VWF: variants seen among roughly 807,000 people sequenced by gnomAD.
The protein encoded by VWF is Factor VIII related antigen.
VWF carries 176 observed loss-of-function variants against 308.6 expected under a neutral mutation model. The ratio of observed to expected loss-of-function variants is 0.57; its 90% CI spans 0.50 to 0.65. The LOEUF is 0.65. Among genes scored for constraint, VWF ranks in the 30% least tolerant of loss-of-function variants. The pLI, the probability that VWF is intolerant of heterozygous loss-of-function variation, is 0.00. For missense variants in VWF, 3,146 were observed against 3,648.2 expected (o/e 0.86, Z 3.55); for synonymous variants, 1,385 against 1,443.4 (o/e 0.96, Z 0.92).
intron 34 of VWF, among the ~76,000 whole-genome samples, chr12:6,011,326 C>T (rs1229262577): frequency 6.6e-6 from 1 of 152,244 alleles, no homozygotes; most frequent in Non-Finnish European, 1.5e-5. Context: ...GACTTGCCAA[C>T]AGCCAAGCTG....
rs530172629 is a variant in VWF, at chr12:6,017,444, T to C, written c.5054-574A>G. Among the ~76,000 whole-genome samples, 25 of 152,246 alleles carry C rather than the reference T, an allele frequency of 1.6e-4. No individual in the cohort carries two copies. In the South Asian group the frequency reaches 4.6e-3, roughly 28 times the overall value. On this transcript the variant is annotated intron_variant, in intron 28 of 51. Coordinates refer to ENST00000261405, the MANE Select transcript of VWF (RefSeq NM_000552.5). Reference sequence around the variant, plus strand: ...ATTTAAATAAATCTATGGCCGTGAATAAAAACAAAAACAAAGAAACAAAAG... The same window carrying C: ...ATTTAAATAAATCTATGGCCGTGAACAAAAACAAAAACAAAGAAACAAAAG...
intron 3 of VWF, among the ~76,000 whole-genome samples, chr12:6,113,559 G>A (rs1458070183): frequency 2.6e-5 from 4 of 152,188 alleles, no homozygotes; most frequent in African/African-American, 9.7e-5. Context: ...CTCCCAAAGT[G>A]CTAGGATTAC....
intron 37 of VWF, among the ~76,000 whole-genome samples, chr12:5,993,611 G>T (rs2136384746): frequency 6.7e-6 from 1 of 149,262 alleles, no homozygotes; most frequent in East Asian, 2.0e-4. Context: ...CAGAGTGTAT[G>T]TGTGTATATA....
chr12:6,070,349 T>C (rs1944766112), intron 10 of VWF, among the ~76,000 whole-genome samples: 1 of 152,180 alleles, frequency 6.6e-6, no homozygotes, highest in African/African-American at 2.4e-5. Flanking sequence ...CTAAAGTCTT[T>C]AACTCACAGA....
rs73266873 is a variant in VWF, at chr12:6,112,701, T to C, written c.221-1733A>G. On this transcript the variant is annotated intron_variant, in intron 3 of 51. Transcript: ENST00000261405. Reference sequence around the variant, plus strand: ...CTGGCAGGTCTGTTGACTCAAGGTGTTGCTGTCATGGCCAGAGGAGCTGGG... The same window carrying C: ...CTGGCAGGTCTGTTGACTCAAGGTGCTGCTGTCATGGCCAGAGGAGCTGGG... Among the ~76,000 whole-genome samples the C allele has an allele frequency of 6.0e-3, 919 of 152,172 alleles. 10 individuals carry two copies. The highest frequency in any genetic ancestry group is 0.02 in the African/African-American group (841 of 41,510).
At chr12:6,121,804 G>A (rs61615222) in intron 2 of VWF, among the ~76,000 whole-genome samples, 4,823 of 152,064 alleles carry the variant, frequency 0.032, 188 homozygotes, top group African/African-American at 0.089. Flanking sequence ...AGTGGTGGGC[G>A]CCTGTAATCC....
At chr12:6,044,146 C>T (rs1381974148) in intron 18 of VWF, 145 bp downstream of exon 18, 2 of 1,070,738 alleles carry the variant, frequency 1.9e-6, no homozygotes, top group African/African-American at 3.2e-5. Context: ...CTCCCCTCCT[C>T]CATGCCCCCA....
Position 6,063,156 on chromosome 12 carries a change from A to G in VWF, c.1433-102T>C. 4 of 926,928 alleles carry G rather than the reference A, an allele frequency of 4.3e-6. No homozygotes were observed. Among genetic ancestry groups the G allele is most frequent in the East Asian group, 2.6e-5 (1 of 38,544 alleles). 57.4% of individuals were successfully genotyped at this position (926,928 alleles called of 1,614,324 possible). On this transcript the variant is annotated intron_variant, in intron 12 of 51. Coordinates refer to ENST00000261405, the MANE Select transcript of VWF (RefSeq NM_000552.5). The surrounding 1 kb of genome is among the most constrained non-coding windows in gnomAD (Gnocchi z 4.9). Reference sequence around the variant, plus strand: ...AAATGGGGTGTCTCAAAAGGATGGTAGCACTGAAGAGCAATGACTTAGGGG... The same window carrying G: ...AAATGGGGTGTCTCAAAAGGATGGTGGCACTGAAGAGCAATGACTTAGGGG...
intron 10 of VWF, among the ~76,000 whole-genome samples, chr12:6,067,777 G>C (rs1284669775): frequency 6.6e-6 from 1 of 152,072 alleles, no homozygotes; most frequent in African/African-American, 2.4e-5. Flanking sequence ...GATGGAGATG[G>C]GCACTGGAAG....
At chr12:6,114,008 G>A (rs186892678) in intron 3 of VWF, among the ~76,000 whole-genome samples, 4 of 152,332 alleles carry the variant, frequency 2.6e-5, no homozygotes, top group East Asian at 1.9e-4. Flanking sequence ...TATTACCACT[G>A]AGCCTGTCTC....
chr12:6,077,552 G>T (rs1267677835), intron 6 of VWF, among the ~76,000 whole-genome samples: 2 of 152,228 alleles, frequency 1.3e-5, no homozygotes, highest in Admixed American at 1.3e-4. Context: ...CTTACTGGCG[G>T]TGGGGACTTA....
At position 5,969,128 on chromosome 12, in the gene VWF, G is replaced by A. The variant is rs1943439040; in HGVS notation, c.7729+83C>T. On this transcript the variant is annotated intron_variant, in intron 45 of 51. Coordinates refer to ENST00000261405, the MANE Select transcript of VWF (RefSeq NM_000552.5). ...TCCATTTCCCTAAGTTGCTAAAAAG[G>A]CAAAGAATTCAGGAGCCAAAAGTGG... 2.7e-6 allele frequency: 4 copies of A among 1,504,010 alleles called. No homozygotes were observed. The African/African-American group carries it at 5.5e-5, about 21-fold the overall frequency. The allele number at this position is 1,504,010 out of a possible 1,614,324, so 93.2% of individuals were successfully genotyped here.
intron 49 of VWF, 82 bp from the exon 50 acceptor site, chr12:5,951,965 C>A: frequency 7.2e-7 from 1 of 1,391,030 alleles, no homozygotes; most frequent in Admixed American, 1.7e-5. Flanking sequence ...CAATTTTTAG[C>A]TCCGAACTCA....
rs140554832 is a variant in VWF, at chr12:6,091,698, C to T, written c.657+3762G>A. On this transcript the variant is annotated intron_variant, in intron 6 of 51. Transcript: ENST00000261405. ...AGCTGGGTCTACAGGTATGAGCCAC[C>T]GCACCAGGCTAATAAAGGGTTTTAG... Among the ~76,000 whole-genome samples, 173 of 152,186 alleles carry T rather than the reference C, an allele frequency of 1.1e-3. 2 individuals carry two copies. Among genetic ancestry groups the T allele is most frequent in the East Asian group, 8.5e-3 (44 of 5,184 alleles).
intron 46 of VWF, 146 bp downstream of exon 46, chr12:5,967,981 G>A (rs939314699): frequency 8.7e-7 from 1 of 1,146,772 alleles, no homozygotes; most frequent in Non-Finnish European, 1.3e-6. Flanking sequence ...ATGATGCCAG[G>A]CACGTCCCAC....
At chr12:6,013,191 A>G (rs909827051) in intron 32 of VWF, among the ~76,000 whole-genome samples, 1 of 152,184 alleles carries the variant, frequency 6.6e-6, no homozygotes, top group African/African-American at 2.4e-5. Flanking sequence ...CTTTTGTCCA[A>G]GATCCCTCTA....
chr12:6,029,267 G>A, intron 22 of VWF, 75 bp downstream of exon 22: 1 of 1,598,820 alleles, frequency 6.3e-7, no homozygotes, highest in East Asian at 2.2e-5. Flanking sequence ...CAAGTCCTTA[G>A]AGACCTACGA....
intron 38 of VWF, among the ~76,000 whole-genome samples, chr12:5,991,104 T>A (rs1943736539): frequency 6.6e-6 from 1 of 151,828 alleles, no homozygotes; most frequent in South Asian, 2.1e-4. Flanking sequence ...ATAGGATTTT[T>A]GTATTTATGA....
chr12:6,076,274 C>CGAGTAGGAACGAGTA (rs1565854357), intron 6 of VWF, among the ~76,000 whole-genome samples: 8 of 152,352 alleles, frequency 5.3e-5, no homozygotes, highest in Admixed American at 5.2e-4. Context: ...CTTCTGCTCA[C>CGAGTAGGAACGAGTA]TCACGAGTAT....
Sources: allele counts gnomAD v4.1 joint callset (sites outside exome capture counted in the v4.1 genomes callset), GRCh38; gene constraint gnomAD v4.1.1; non-coding constraint Gnocchi (gnomAD v3.1); transcripts MANE v1.5; gene names NCBI Gene and HGNC (gene_info 2026-07-23, HGNC 2026-07-21).